Variants in BCL11A observed in about 807,000 individuals in gnomAD.
The protein encoded by BCL11A is BCL11 transcription factor A.
In BCL11A, 2 loss-of-function variants were observed where a neutral mutation model predicts 55.9. The ratio of observed to expected loss-of-function variants is 0.04; its 90% CI spans 0.01 to 0.11. The LOEUF (loss-of-function observed/expected upper bound fraction) is 0.11. Among genes scored for constraint, BCL11A ranks in the 10% least tolerant of loss-of-function variants. The probability of loss-of-function intolerance (pLI) is 1.00; values close to 1 mark genes in which losing one functional copy is unlikely to be tolerated. For synonymous variants in BCL11A, 465 were observed against 473.4 expected, an observed-to-expected ratio of 0.98 and a Z score of 0.23; for missense variants, 817 against 1,137.1, an observed-to-expected ratio of 0.72 and a Z score of 4.05.
chr2:60,458,335 T>C lies in BCL11A; in HGVS notation c.*2069A>G. 6 of 1,026,410 alleles carry C rather than the reference T, an allele frequency of 5.8e-6. No homozygotes were observed. The highest frequency in any genetic ancestry group is 7.0e-6 in the Non-Finnish European group (6 of 854,248). The allele number at this position is 1,026,410 out of a possible 1,614,324, so 63.6% of individuals were successfully genotyped here. A position where few individuals can be genotyped will look rare whatever the true frequency, so the allele number is the denominator to read the frequency against. ...CCAAGGCATAGAATTTCCACTACCATTTTTAAATGGATAACAAGTCTTGTA... is the reference window on the plus strand; with the variant it reads ...CCAAGGCATAGAATTTCCACTACCACTTTTAAATGGATAACAAGTCTTGTA... On this transcript the variant is annotated 3_prime_UTR_variant, in exon 4 of 4. Coordinates refer to ENST00000642384, the MANE Select transcript of BCL11A (RefSeq NM_022893.4).
intron 2 of BCL11A, among the ~76,000 whole-genome samples, chr2:60,500,233 G>C (rs990081264): frequency 2.0e-5 from 3 of 152,190 alleles, no homozygotes; most frequent in African/African-American, 7.2e-5. Context: ...GGACCTGTGT[G>C]TGAGAGCGGT....
intron 1 of BCL11A, among the ~76,000 whole-genome samples, chr2:60,550,168 C>G (rs1010229107): frequency 6.6e-6 from 1 of 152,034 alleles, no homozygotes; most frequent in Non-Finnish European, 1.5e-5. Flanking sequence ...AGCCCTAGAG[C>G]GCGCACTCCC....
chr2:60,462,787 C>T (rs887205516), intron 3 of BCL11A, among the ~76,000 whole-genome samples: 2 of 152,192 alleles, frequency 1.3e-5, no homozygotes, highest in Non-Finnish European at 2.9e-5. Flanking sequence ...ATCTCATCTC[C>T]ATGTGCCTCT....
At position 60,461,458 on chromosome 2, in the gene BCL11A, T is replaced by A. The variant is rs1409012822; in HGVS notation, c.1454A>T (p.Glu485Val). 2 of 1,604,180 alleles carry A rather than the reference T, an allele frequency of 1.2e-6. No individual in the cohort carries two copies. The highest frequency in any genetic ancestry group is 1.7e-6 in the Non-Finnish European group (2 of 1,179,486). Residue 485 changes from glutamate to valine, a missense_variant, in exon 4 of 4, where the codon GAG becomes GTG. Physicochemically the swap from Glu to Val is moderately radical, Grantham distance 121 (BLOSUM62 -2). Transcript: ENST00000642384. ...DPNLIPENGD[E>V]EEEEDDEEEE... Reference sequence around the variant, plus strand: ...TTCCTCGTCGTCCTCCTCTTCCTCCTCGTCCCCGTTCTCCGGGATCAGGTT... The same window carrying A: ...TTCCTCGTCGTCCTCCTCTTCCTCCACGTCCCCGTTCTCCGGGATCAGGTT...
At position 60,459,896 on chromosome 2, in the gene BCL11A, C is replaced by G. The variant is rs1191247988; in HGVS notation, c.*508G>C. On this transcript the variant is annotated 3_prime_UTR_variant, in exon 4 of 4. Transcript: ENST00000642384. Reference sequence around the variant, plus strand: ...CCTCACGTTATAAAATAAAACTGTACATGATATGTATTACAGAATGTATGC... The same window carrying G: ...CCTCACGTTATAAAATAAAACTGTAGATGATATGTATTACAGAATGTATGC... 2 of 1,052,612 alleles carry G rather than the reference C, an allele frequency of 1.9e-6. No homozygotes were observed. The highest frequency in any genetic ancestry group is 2.3e-6 in the Non-Finnish European group (2 of 871,426). The allele number at this position is 1,052,612 out of a possible 1,614,324, so 65.2% of individuals were successfully genotyped here.
intron 1 of BCL11A, among the ~76,000 whole-genome samples, chr2:60,549,338 G>A (rs1281440474): frequency 6.6e-6 from 1 of 152,196 alleles, no homozygotes; most frequent in African/African-American, 2.4e-5. Context: ...GGAGGGGGAG[G>A]GGGAAAGGGA....
chr2:60,514,549 T>C lies in BCL11A; in HGVS notation c.385+31422A>G, dbSNP rs1362807439. Among the ~76,000 whole-genome samples, 31 of 143,746 alleles carry C rather than the reference T, an allele frequency of 2.2e-4. 1 individual carries two copies. Among genetic ancestry groups the C allele is most frequent in the Non-Finnish European group, 6.0e-5 (4 of 66,222 alleles). 94.3% of individuals were successfully genotyped at this position (143,746 alleles called of 152,430 possible). ...CAGGTGTGATGGCATGCACCTATAA[T>C]CCCAGCTACTTGGGAGGCTGAGGCA... On this transcript the variant is annotated intron_variant, in intron 2 of 3. Coordinates refer to ENST00000642384, the MANE Select transcript of BCL11A (RefSeq NM_022893.4).
intron 2 of BCL11A, chr2:60,484,439 A>G (rs984850334): frequency 6.6e-6 from 1 of 152,076 alleles, no homozygotes; most frequent in Non-Finnish European, 1.5e-5. Flanking sequence ...GTCCTCAACA[A>G]CTGGGGTCCT....
rs997207676 is a variant in BCL11A at position 60,457,599 on chromosome 2, A to T, written c.*2805T>A. 6 of 1,044,052 alleles carry T rather than the reference A, an allele frequency of 5.7e-6. No homozygotes were observed. The highest frequency in any genetic ancestry group is 6.9e-6 in the Non-Finnish European group (6 of 865,872). 64.7% of individuals were successfully genotyped at this position (1,044,052 alleles called of 1,614,324 possible). A position where few individuals can be genotyped will look rare whatever the true frequency, so the allele number is the denominator to read the frequency against. On this transcript the variant is annotated 3_prime_UTR_variant, in exon 4 of 4. Transcript: ENST00000642384. ...GCTTTCTCTTTAATATGCTTTGCAT[A>T]TGAAATTCTTTCCAATCTAAATATA...
chr2:60,467,294 G>GTGA (rs1676754507), intron 3 of BCL11A, among the ~76,000 whole-genome samples: 6 of 100,216 alleles, frequency 6.0e-5, no homozygotes, highest in Admixed American at 1.0e-4. Flanking sequence ...AGTGATGGTG[G>GTGA]TGGTAATGGT....
At position 60,461,597 on chromosome 2, in the gene BCL11A, C is replaced by A; in HGVS notation, c.1315G>T (p.Asp439Tyr). 6.2e-7 allele frequency: 1 copy of A among 1,613,182 alleles called. No homozygotes were observed. Residue 439 changes from aspartate (D) to tyrosine (Y), a missense_variant, in exon 4 of 4, where the codon GAC becomes TAC. Physicochemically the swap from Asp to Tyr is radical, Grantham distance 160. Around this residue, in one of 4 missense-constraint regions of BCL11A, gnomAD observed 45 missense variants for 109.0 expected, o/e 0.41. Coordinates refer to ENST00000642384, the MANE Select transcript of BCL11A (RefSeq NM_022893.4). ...GAGCTGGCGGTGGAGAGACCGTCGT[C>A]GGACTTGACCGTCATGGGGGACGAT... ...HKSSPMTVKS[D>Y]DGLSTASSPE...
chr2:60,486,655 T>C (rs891261143), intron 2 of BCL11A, among the ~76,000 whole-genome samples: 1 of 152,210 alleles, frequency 6.6e-6, no homozygotes, highest in African/African-American at 2.4e-5. Context: ...GGCAGATTAT[T>C]ACCAGACATG....
At chr2:60,550,244 G>C (rs1443911645) in intron 1 of BCL11A, among the ~76,000 whole-genome samples, 1 of 152,184 alleles carries the variant, frequency 6.6e-6, no homozygotes, top group Admixed American at 6.5e-5. Flanking sequence ...TCCGAGCCCG[G>C]CGCGCGCTGG....
intron 2 of BCL11A, among the ~76,000 whole-genome samples, chr2:60,495,994 G>C (rs1340854723): frequency 6.6e-6 from 1 of 152,154 alleles, no homozygotes; most frequent in Non-Finnish European, 1.5e-5. Flanking sequence ...ACATACTGCA[G>C]CTCTGGAAAA....
At chr2:60,452,154 C>T (rs1675751441) in exon 5 of BCL11A, 2 of 230,198 alleles carry the variant, frequency 8.7e-6, no homozygotes, top group Non-Finnish European at 1.7e-5. Flanking sequence ...AAGCAAACAC[C>T]ACCTAAAGCT....
intron 2 of BCL11A, chr2:60,532,849 T>TA (rs1215196412): frequency 6.6e-6 from 1 of 152,236 alleles, no homozygotes; most frequent in Non-Finnish European, 1.5e-5. Flanking sequence ...TCAAAAGACT[T>TA]ATGCAAAGCC....
chr2:60,526,249 G>A (rs1050285851), intron 2 of BCL11A: 3 of 152,152 alleles, frequency 2.0e-5, no homozygotes, highest in Non-Finnish European at 4.4e-5. Context: ...CTATTGGTTG[G>A]CTATATTTTG....
At chr2:60,532,861 CAT>C (rs1558494825) in intron 2 of BCL11A, 1 of 152,240 alleles carries the variant, frequency 6.6e-6, no homozygotes, top group Non-Finnish European at 1.5e-5. Flanking sequence ...TGCAAAGCCA[CAT>C]GATTTTGAAG....
At chr2:60,517,737 T>A (rs356991) in intron 2 of BCL11A, among the ~76,000 whole-genome samples, 2 of 152,212 alleles carry the variant, frequency 1.3e-5, no homozygotes, top group Admixed American at 6.5e-5. Flanking sequence ...AAGTAGACTC[T>A]GGCACTCACT....
Sources: gnomAD v4.1 joint callset for allele counts (sites outside exome capture counted in the v4.1 genomes callset) on GRCh38, gnomAD v4.1.1 for gene constraint, gnomAD v4.1.1 regional missense constraint, MANE v1.5 for transcripts, NCBI Gene and HGNC (gene_info 2026-07-23, HGNC 2026-07-21) for gene names.